Variants in THRB observed in about 807,000 individuals in gnomAD.
THRB encodes thyroid hormone receptor beta, also known as nuclear receptor subfamily 1 group A member 2.
In THRB, 12 loss-of-function variants were observed where a neutral mutation model predicts 47.8. That is an observed-to-expected ratio of 0.25 (90% confidence interval 0.16 to 0.41). The LOEUF (loss-of-function observed/expected upper bound fraction) is 0.41. Ranked by LOEUF, THRB falls within the 10% of genes least tolerant of loss-of-function variation. The pLI is 1.00. For synonymous variants in THRB, 218 were observed against 212.2 expected, an observed-to-expected ratio of 1.03 and a Z score of -0.24; for missense variants, 348 against 589.2, an observed-to-expected ratio of 0.59 and a Z score of 4.24.
chr3:24,224,030 G>T (rs2047410779), intron 4 of THRB, among the ~76,000 whole-genome samples: 3 of 152,082 alleles, frequency 2.0e-5, no homozygotes, highest in African/African-American at 4.8e-5. Flanking sequence ...TCTACATTTG[G>T]AGGGTATATA....
At chr3:24,316,823 C>A (rs371316715) in intron 2 of THRB, among the ~76,000 whole-genome samples, 1 of 152,156 alleles carries the variant, frequency 6.6e-6, no homozygotes, top group African/African-American at 2.4e-5. Context: ...CCTCCACCCC[C>A]CAGAACACTT....
intron 4 of THRB, among the ~76,000 whole-genome samples, chr3:24,209,399 C>T (rs1228298524): frequency 6.6e-6 from 1 of 152,148 alleles, no homozygotes; most frequent in African/African-American, 2.4e-5. Flanking sequence ...TGGCACTATT[C>T]ACAATAGCAA....
chr3:24,184,411 C>G (rs114378558), intron 5 of THRB, among the ~76,000 whole-genome samples: 4 of 152,310 alleles, frequency 2.6e-5, no homozygotes, highest in Admixed American at 2.0e-4. Flanking sequence ...CCTTGGAAAG[C>G]GTGGGGTGGT....
intron 1 of THRB, among the ~76,000 whole-genome samples, chr3:24,359,371 G>T (rs2063914887): frequency 6.6e-6 from 1 of 152,092 alleles, no homozygotes; most frequent in Admixed American, 6.5e-5. Flanking sequence ...GGTGACTGAG[G>T]CTCCAAAAGC....
In THRB at chr3:24,215,996, C is replaced by G. The variant is rs562193991; in HGVS notation, c.22+12942G>C. ...GAGTTAGAAATAAAATTCTGTTGTACTAAGTCACTGAGATTTTGGGGTTCA... is the reference window on the plus strand; with the variant it reads ...GAGTTAGAAATAAAATTCTGTTGTAGTAAGTCACTGAGATTTTGGGGTTCA... On this transcript the variant is annotated intron_variant, in intron 4 of 10. Coordinates refer to ENST00000646209, the MANE Select transcript of THRB (RefSeq NM_001354712.2). 6.2e-4 allele frequency among the ~76,000 whole-genome samples: 95 copies of G among 152,332 alleles called. 1 individual carries two copies. The highest frequency in any genetic ancestry group is 2.2e-3 in the African/African-American group (92 of 41,552).
At chr3:24,439,402 G>A (rs981186271) in intron 1 of THRB, among the ~76,000 whole-genome samples, 10 of 152,060 alleles carry the variant, frequency 6.6e-5, no homozygotes, top group East Asian at 5.8e-4. Context: ...AGAGCCGGAC[G>A]CCCTCTCACG....
At chr3:24,217,220 C>A (rs1256288815) in intron 4 of THRB, among the ~76,000 whole-genome samples, 1 of 151,844 alleles carries the variant, frequency 6.6e-6, no homozygotes, top group Non-Finnish European at 1.5e-5. Context: ...TCTATAAAAG[C>A]AGCGTCAGAG....
chr3:24,321,150 C>T (rs897918986), intron 2 of THRB, among the ~76,000 whole-genome samples: 1 of 152,042 alleles, frequency 6.6e-6, no homozygotes, highest in African/African-American at 2.4e-5. Context: ...AGTGACTTTG[C>T]CCAGTTTTAC....
At chr3:24,354,219 T>C (rs2063530573) in intron 1 of THRB, among the ~76,000 whole-genome samples, 1 of 152,066 alleles carries the variant, frequency 6.6e-6, no homozygotes, top group African/African-American at 2.4e-5. Context: ...CACTAGGGCC[T>C]TTTGGGTGGA....
intron 2 of THRB, among the ~76,000 whole-genome samples, chr3:24,305,597 T>A (rs558257991): frequency 1.2e-4 from 19 of 152,290 alleles, no homozygotes; most frequent in Admixed American, 2.0e-4. Flanking sequence ...ATGAGAAAAA[T>A]TATATTTTCA....
At chr3:24,334,557 T>C (rs2062120495) in intron 2 of THRB, among the ~76,000 whole-genome samples, 1 of 152,172 alleles carries the variant, frequency 6.6e-6, no homozygotes, top group South Asian at 2.1e-4. Context: ...GGCCTCACTA[T>C]GGCATCTCAT....
intron 1 of THRB, among the ~76,000 whole-genome samples, chr3:24,482,532 T>C (rs1415876566): frequency 1.4e-5 from 2 of 143,644 alleles, no homozygotes; most frequent in Non-Finnish European, 3.0e-5. Context: ...TCTTTCTTTC[T>C]GTCTCCCTCT....
At chr3:24,412,246 C>T (rs568440922) in intron 1 of THRB, among the ~76,000 whole-genome samples, 66 of 151,864 alleles carry the variant, frequency 4.3e-4, no homozygotes, top group African/African-American at 1.4e-3. Context: ...AACTTCATGA[C>T]CTGATTTGCT....
chr3:24,449,677 G>A (rs1429324684), intron 1 of THRB, among the ~76,000 whole-genome samples: 5 of 152,082 alleles, frequency 3.3e-5, no homozygotes, highest in East Asian at 3.8e-4. Flanking sequence ...TAGGGAAGCC[G>A]GTCCAAAGAA....
At chr3:24,213,094 C>G (rs1053044227) in intron 4 of THRB, among the ~76,000 whole-genome samples, 1 of 152,072 alleles carries the variant, frequency 6.6e-6, no homozygotes, top group Middle Eastern at 3.2e-3. Flanking sequence ...GTAGACCAGA[C>G]CCTTAAATGG....
At chr3:24,171,300 T>C (rs2040401556) in intron 5 of THRB, among the ~76,000 whole-genome samples, 2 of 152,290 alleles carry the variant, frequency 1.3e-5, no homozygotes, top group East Asian at 1.9e-4. Flanking sequence ...CTCATTGCTT[T>C]TGAAAAGGAC....
At chr3:24,319,730 A>G (rs1218931043) in intron 2 of THRB, among the ~76,000 whole-genome samples, 1 of 152,252 alleles carries the variant, frequency 6.6e-6, no homozygotes, top group Non-Finnish European at 1.5e-5. Context: ...GTTTTTCTTC[A>G]TAAACTCAAT....
At position 24,134,923 on chromosome 3, in the gene THRB, C is replaced by G. The variant is rs141537069; in HGVS notation, c.739-1461G>C. ...TGAGCAAAATAGAATTCCTCACTTG[C>G]AGAGCAGTGAGGACACTGCCAGTGG... On this transcript the variant is annotated intron_variant, in intron 8 of 10. Coordinates refer to ENST00000646209, the MANE Select transcript of THRB (RefSeq NM_001354712.2). 1.1e-4 allele frequency among the ~76,000 whole-genome samples: 16 copies of G among 152,292 alleles called. No individual in the cohort carries two copies. In the East Asian group the frequency reaches 3.1e-3, roughly 29 times the overall value.
upstream of THRB, chr3:24,494,973 C>T (rs1037408225): frequency 1.3e-5 from 2 of 152,210 alleles, no homozygotes; most frequent in Non-Finnish European, 2.9e-5. Flanking sequence ...ACTCCTTGGG[C>T]GAAGAGAGGC....
Sources: gnomAD v4.1 joint callset for allele counts (sites outside exome capture counted in the v4.1 genomes callset) on GRCh38, gnomAD v4.1.1 for gene constraint, MANE v1.5 for transcripts, NCBI Gene and HGNC (gene_info 2026-07-23, HGNC 2026-07-21) for gene names.